HEATR5A: variants seen among roughly 807,000 people sequenced by gnomAD.
HEATR5A encodes HEAT repeat-containing protein 5A.
A neutral mutation model predicts 218.8 loss-of-function variants in HEATR5A; 178 were observed. The ratio of observed to expected loss-of-function variants is 0.81; its 90% CI spans 0.72 to 0.92. HEATR5A has a LOEUF of 0.92. HEATR5A is among the 40% of genes least tolerant of loss of function. The pLI is 0.00. For missense variants in HEATR5A, 2,420 were observed against 2,418.9 expected (o/e 1.00, Z -0.01); for synonymous variants, 864 against 871.6 (o/e 0.99, Z 0.15).
At chr14:31,295,888 T>G in intron 34 of HEATR5A, 21 bp downstream of exon 34, 2 of 1,608,232 alleles carry the variant, frequency 1.2e-6, no homozygotes, top group Non-Finnish European at 1.7e-6. Context: ...TACATACATC[T>G]TTCTGCTAAA....
intron 1 of HEATR5A, among the ~76,000 whole-genome samples, chr14:31,416,447 T>G (rs1012925754): frequency 2.0e-5 from 3 of 152,158 alleles, no homozygotes; most frequent in Admixed American, 1.3e-4. Flanking sequence ...GGCAAAAGTA[T>G]ATGTACAGCT....
chr14:31,336,780 T>C (rs1900686091), intron 22 of HEATR5A, among the ~76,000 whole-genome samples: 1 of 152,190 alleles, frequency 6.6e-6, no homozygotes, highest in African/African-American at 2.4e-5. Context: ...AAAAACTTGC[T>C]CTAGATCAGT....
rs529392954 is a variant in HEATR5A at position 31,293,101 on chromosome 14, A to AAAAAC, written c.*199_*203dup. The AAAAAC allele has an allele frequency of 7.8e-5, 36 of 462,038 alleles. No individual in the cohort carries two copies. The highest frequency in any genetic ancestry group is 5.6e-4 in the Middle Eastern group (1 of 1,770). 28.6% of individuals were successfully genotyped at this position (462,038 alleles called of 1,614,324 possible). A position where few individuals can be genotyped will look rare whatever the true frequency, so the allele number is the denominator to read the frequency against. On this transcript the variant is annotated 3_prime_UTR_variant, in exon 36 of 36. Coordinates refer to ENST00000543095, the MANE Select transcript of HEATR5A (RefSeq NM_015473.4). Reference sequence around the variant, plus strand: ...TTAGCTCCATTGTCTTTTTAAATAGAAAAACAAAACAAAACAAAACACAAA... The same window carrying AAAAAC: ...TTAGCTCCATTGTCTTTTTAAATAGAAAAACAAAACAAAACAAAACAAAACACAAA...
At chr14:31,361,221 A>T (rs1194475729) in intron 14 of HEATR5A, among the ~76,000 whole-genome samples, 1 of 152,180 alleles carries the variant, frequency 6.6e-6, no homozygotes, top group African/African-American at 2.4e-5. Flanking sequence ...TACAGAGAAA[A>T]ATTTTATTAT....
At chr14:31,343,326 C>A (rs1900904405) in intron 21 of HEATR5A, among the ~76,000 whole-genome samples, 1 of 152,136 alleles carries the variant, frequency 6.6e-6, no homozygotes, top group African/African-American at 2.4e-5. Context: ...ACCTTGGCCT[C>A]CCAAAGTGCT....
intron 1 of HEATR5A, among the ~76,000 whole-genome samples, chr14:31,413,373 T>G (rs2031346787): frequency 6.6e-6 from 1 of 151,670 alleles, no homozygotes; most frequent in South Asian, 2.1e-4. Context: ...GGGACTGAAT[T>G]TACTCTGCCT....
chr14:31,373,391 C>T (rs1415401576), intron 12 of HEATR5A, among the ~76,000 whole-genome samples: 1 of 151,012 alleles, frequency 6.6e-6, no homozygotes, highest in Admixed American at 6.6e-5. Context: ...TGCAATGGCG[C>T]ATTCTCAACT....
At chr14:31,339,147 ATATG>A (rs568745725) in intron 21 of HEATR5A, among the ~76,000 whole-genome samples, 3 of 149,778 alleles carry the variant, frequency 2.0e-5, no homozygotes, top group Non-Finnish European at 4.4e-5. Context: ...AAACATATAT[ATATG>A]TATGTATGTA....
At chr14:31,325,892 A>G (rs1404752518) in intron 23 of HEATR5A, 1 of 455,016 alleles carries the variant, frequency 2.2e-6, no homozygotes, top group East Asian at 4.3e-5. Context: ...GGCATAAACA[A>G]TAACTTTACT....
At chr14:31,358,146 C>T (rs150770085) in intron 16 of HEATR5A, among the ~76,000 whole-genome samples, 70 of 152,274 alleles carry the variant, frequency 4.6e-4, no homozygotes, top group South Asian at 3.3e-3. Context: ...ACGCCATGGA[C>T]GAACTGTCTT....
In HEATR5A at chr14:31,364,239, C is replaced by A; in HGVS notation, c.2021G>T (p.Arg674Ile). The change falls in exon 14 of 36, where the codon AGA becomes ATA. Residue 674 changes from arginine (R) to isoleucine (I), a missense_variant. By Grantham distance (97) the Arg-to-Ile change is moderately conservative. Transcript: ENST00000543095. ...AATCAACAGTTCATAAAGTCTTTGTCTATAAACCACTGACGGTGTTTTCAA... is the reference window on the plus strand; with the variant it reads ...AATCAACAGTTCATAAAGTCTTTGTATATAAACCACTGACGGTGTTTTCAA... Reference protein sequence around the residue: ...SPLKTPSVVYRQRLYELLILL... With the variant: ...SPLKTPSVVYIQRLYELLILL... The A allele has an allele frequency of 6.4e-7, 1 of 1,556,114 alleles. No individual in the cohort carries two copies. The highest frequency in any genetic ancestry group is 1.2e-5 in the South Asian group (1 of 83,760).
At chr14:31,397,900 C>A (rs1251827766) in intron 4 of HEATR5A, among the ~76,000 whole-genome samples, 2 of 152,156 alleles carry the variant, frequency 1.3e-5, no homozygotes, top group African/African-American at 4.8e-5. Flanking sequence ...AAGTGATCCT[C>A]CCATCTCCTC....
intron 31 of HEATR5A, 75 bp from the exon 32 acceptor site, chr14:31,305,252 TA>T: frequency 7.1e-7 from 1 of 1,418,280 alleles, no homozygotes; most frequent in African/African-American, 1.4e-5. Context: ...TAAATCCTGT[TA>T]CAGGAAATAC....
chr14:31,333,752 C>A (rs1375388824), intron 22 of HEATR5A, among the ~76,000 whole-genome samples: 1 of 151,918 alleles, frequency 6.6e-6, no homozygotes, highest in Non-Finnish European at 1.5e-5. Flanking sequence ...GCTTAATTGG[C>A]CAGGCATGGT....
chr14:31,371,968 T>C, intron 12 of HEATR5A, 59 bp from the exon 13 acceptor site: 1 of 722,668 alleles, frequency 1.4e-6, no homozygotes, highest in Non-Finnish European at 2.3e-6. Flanking sequence ...AAAGGCACAT[T>C]TGATTATGGT....
chr14:31,338,220 T>A (rs1322630974), intron 21 of HEATR5A, among the ~76,000 whole-genome samples: 1 of 152,222 alleles, frequency 6.6e-6, no homozygotes, highest in African/African-American at 2.4e-5. Flanking sequence ...ACATGCAAAG[T>A]GCTTACCACA....
intron 4 of HEATR5A, among the ~76,000 whole-genome samples, chr14:31,396,980 T>G (rs1566781936): frequency 6.6e-6 from 1 of 152,154 alleles, no homozygotes. Context: ...TAAATAAAAT[T>G]TCTTACAGAT....
Position 31,347,854 on chromosome 14 carries a change from C to G in HEATR5A, c.2762G>C (p.Gly921Ala), listed in dbSNP as rs776045099. Reference protein sequence around the residue: ...VTRTGHSLALGSLHRYLGGIS... With the variant: ...VTRTGHSLALASLHRYLGGIS... The stretch of plus-strand genomic sequence containing the variant: ...TCCTCCTAAATACCTATGTAGGGAC[C>G]CCAAGGCCAATGAGTGTCCTGTTCT... The change falls in exon 19 of 36, where the codon GGG (glycine) becomes GCG (alanine). Residue 921 changes from glycine (G) to alanine (A), a missense_variant. Physicochemically the swap from Gly to Ala is moderately conservative, Grantham distance 60. Coordinates refer to ENST00000543095, the MANE Select transcript of HEATR5A (RefSeq NM_015473.4). 6.3e-7 allele frequency: 1 copy of G among 1,585,224 alleles called. No individual in the cohort carries two copies. Among genetic ancestry groups the G allele is most frequent in the South Asian group, 1.2e-5 (1 of 86,620 alleles).
rs1468169786 is a variant in HEATR5A, at chr14:31,296,683, G to A, written c.5465-620C>T. ...AATCATTTGAAGGAATTTTCTATTA[G>A]AAGTAATCTACCTTTATTTTCTAGT... On this transcript the variant is annotated intron_variant, in intron 33 of 35. Coordinates refer to ENST00000543095, the MANE Select transcript of HEATR5A (RefSeq NM_015473.4). The A allele has an allele frequency of 2.0e-5, 3 of 152,146 alleles. No individual in the cohort carries two copies. In the East Asian group the frequency reaches 5.8e-4, roughly 29 times the overall value. The allele number at this position is 152,146 out of a possible 1,614,324, so 9.4% of individuals were successfully genotyped here. A position where few individuals can be genotyped will look rare whatever the true frequency, so the allele number is the denominator to read the frequency against.
Sources: gnomAD v4.1 joint callset for allele counts (sites outside exome capture counted in the v4.1 genomes callset) on GRCh38, gnomAD v4.1.1 for gene constraint, MANE v1.5 for transcripts, NCBI Gene and HGNC (gene_info 2026-07-23, HGNC 2026-07-21) for gene names.